EPS15: variants seen among roughly 807,000 people sequenced by gnomAD.
The protein encoded by EPS15 is epidermal growth factor receptor pathway substrate 15, also known as epidermal growth factor receptor substrate 15.
Under a neutral mutation model 113.8 loss-of-function variants are expected in EPS15, and 72 were observed. The ratio of observed to expected loss-of-function variants is 0.63; its 90% CI spans 0.52 to 0.77. EPS15 has a LOEUF of 0.77. EPS15 is among the 30% of genes least tolerant of loss of function. The pLI, the probability that EPS15 is intolerant of heterozygous loss-of-function variation, is 0.00. For synonymous variants in EPS15, 344 were observed against 363.4 expected, an observed-to-expected ratio of 0.95 and a Z score of 0.61; for missense variants, 1,048 against 1,045.8, an observed-to-expected ratio of 1.00 and a Z score of -0.03.
intron 5 of EPS15, among the ~76,000 whole-genome samples, chr1:51,467,726 T>G (rs1403103209): frequency 1.3e-5 from 2 of 152,052 alleles, no homozygotes; most frequent in African/African-American, 4.8e-5. Flanking sequence ...CATTAGATTC[T>G]CATGGGAGCA....
At chr1:51,382,677 C>T (rs1245018420) in intron 21 of EPS15, among the ~76,000 whole-genome samples, 1 of 152,122 alleles carries the variant, frequency 6.6e-6, no homozygotes, top group African/African-American at 2.4e-5. Context: ...CCTCAGCCTC[C>T]CAAAGTGCTG....
intron 5 of EPS15, among the ~76,000 whole-genome samples, chr1:51,466,235 AAAGGGAATG>A (rs1201906512): frequency 2.0e-5 from 3 of 151,804 alleles, no homozygotes; most frequent in African/African-American, 7.3e-5. Flanking sequence ...ATGGCATTTC[AAAGGGAATG>A]AAGAGACAGG....
intron 19 of EPS15, among the ~76,000 whole-genome samples, chr1:51,400,712 C>CAAAAAAAAAAAAA (rs375748381): frequency 6.2e-4 from 37 of 60,148 alleles, no homozygotes; most frequent in Non-Finnish European, 7.9e-4. Context: ...CAAAAAACAC[C>CAAAAAAAAAAAAA]AAAAAAAAAA....
chr1:51,481,210 C>T, intron 2 of EPS15, 63 bp downstream of exon 2: 2 of 844,570 alleles, frequency 2.4e-6, no homozygotes, highest in Non-Finnish European at 4.1e-6. Context: ...TACAGGCATA[C>T]AATCAAGAGT....
intron 24 of EPS15, among the ~76,000 whole-genome samples, chr1:51,359,241 C>T (rs1175836111): frequency 6.6e-6 from 1 of 151,430 alleles, no homozygotes; most frequent in Non-Finnish European, 1.5e-5. Context: ...ATCAAGGGAT[C>T]GAGACCATCC....
At chr1:51,388,274 A>C (rs1647147911) in intron 21 of EPS15, among the ~76,000 whole-genome samples, 1 of 152,226 alleles carries the variant, frequency 6.6e-6, no homozygotes, top group Non-Finnish European at 1.5e-5. Context: ...GAAACCAACG[A>C]GCACAAAGAC....
chr1:51,482,920 A>G (rs1644048035), intron 1 of EPS15, among the ~76,000 whole-genome samples: 2 of 152,106 alleles, frequency 1.3e-5, no homozygotes, highest in Non-Finnish European at 1.5e-5. Flanking sequence ...AATACATAAA[A>G]TGTGTACACA....
intron 2 of EPS15, among the ~76,000 whole-genome samples, chr1:51,474,024 C>G (rs1196463521): frequency 6.6e-6 from 1 of 152,228 alleles, no homozygotes; most frequent in Non-Finnish European, 1.5e-5. Context: ...ATACCCAACA[C>G]AGCCTACTAA....
At chr1:51,417,781 T>G (rs72694201) in intron 13 of EPS15, among the ~76,000 whole-genome samples, 9,444 of 152,136 alleles carry the variant, frequency 0.062, 312 homozygotes, top group Non-Finnish European at 0.075. Context: ...ACAACAAAAG[T>G]TATAAAAGTG....
intron 21 of EPS15, among the ~76,000 whole-genome samples, chr1:51,369,979 G>C (rs927457868): frequency 6.6e-6 from 1 of 152,166 alleles, no homozygotes; most frequent in African/African-American, 2.4e-5. Context: ...AGCATAACCA[G>C]ATGAATAACA....
intron 8 of EPS15, among the ~76,000 whole-genome samples, chr1:51,456,401 G>A (rs986394293): frequency 2.6e-5 from 4 of 151,898 alleles, no homozygotes; most frequent in African/African-American, 9.7e-5. Flanking sequence ...AACCCAAGGG[G>A]AAATGGGCAA....
At chr1:51,446,832 C>T in intron 10 of EPS15, 128 bp downstream of exon 10, 2 of 735,368 alleles carry the variant, frequency 2.7e-6, no homozygotes, top group Non-Finnish European at 4.3e-6. Flanking sequence ...TCTTCAGATT[C>T]TGATTTTCTC....
chr1:51,410,855 A>C (rs1649648744), intron 13 of EPS15, among the ~76,000 whole-genome samples: 1 of 152,236 alleles, frequency 6.6e-6, no homozygotes, highest in Non-Finnish European at 1.5e-5. Context: ...TTTAAATGCT[A>C]CTTAAAATGT....
At chr1:51,489,303 A>G (rs142169454) in intron 1 of EPS15, among the ~76,000 whole-genome samples, 13 of 140,038 alleles carry the variant, frequency 9.3e-5, no homozygotes, top group South Asian at 4.3e-4. Context: ...ATATATATAT[A>G]TATGTATGTA....
At chr1:51,480,570 A>G (rs1644002483) in intron 2 of EPS15, among the ~76,000 whole-genome samples, 1 of 152,198 alleles carries the variant, frequency 6.6e-6, no homozygotes, top group African/African-American at 2.4e-5. Context: ...GCTGGAGTGC[A>G]ATGGCACGAT....
intron 12 of EPS15, among the ~76,000 whole-genome samples, chr1:51,429,221 GAT>G (rs1321938746): frequency 2.6e-5 from 4 of 152,068 alleles, no homozygotes; most frequent in Admixed American, 2.6e-4. Flanking sequence ...ATTCCAATTA[GAT>G]TATTCAGTCT....
chr1:51,472,784 T>C, intron 3 of EPS15, 75 bp downstream of exon 3: 1 of 1,116,410 alleles, frequency 9.0e-7, no homozygotes, highest in Non-Finnish European at 1.3e-6. Context: ...GGCATCTTTC[T>C]AAATTTGCAT....
At chr1:51,403,378 C>A in intron 17 of EPS15, 41 bp downstream of exon 17, 2 of 1,088,452 alleles carry the variant, frequency 1.8e-6, no homozygotes, top group Non-Finnish European at 2.8e-6. Flanking sequence ...TGTCCTTCCA[C>A]CCTTACAAGT....
chr1:51,405,681 A>C (rs953132314), intron 16 of EPS15, among the ~76,000 whole-genome samples: 10 of 149,996 alleles, frequency 6.7e-5, no homozygotes, highest in African/African-American at 2.4e-4. Flanking sequence ...CTGGGCAACA[A>C]GAGCAAAACT....
Sources: gnomAD v4.1 joint callset for allele counts (sites outside exome capture counted in the v4.1 genomes callset) on GRCh38, gnomAD v4.1.1 for gene constraint, MANE v1.5 for transcripts, NCBI Gene and HGNC (gene_info 2026-07-23, HGNC 2026-07-21) for gene names.